Variants in GABRA5 observed in about 807,000 individuals in gnomAD.
The protein encoded by GABRA5 is gamma-aminobutyric acid type A receptor subunit alpha5.
Under a neutral mutation model 47.3 loss-of-function variants are expected in GABRA5, and 18 were observed. The observed-to-expected ratio is 0.38, with a 90% CI of 0.26 to 0.56. The LOEUF (loss-of-function observed/expected upper bound fraction) is 0.56, where lower values mean the gene tolerates loss of function less well. Among genes scored for constraint, GABRA5 ranks in the 20% least tolerant of loss-of-function variants. The probability of loss-of-function intolerance (pLI) is 0.71; values close to 1 mark genes in which losing one functional copy is unlikely to be tolerated. For missense variants in GABRA5, 365 were observed against 599.3 expected (o/e 0.61, Z 4.08); for synonymous variants, 237 against 229.3 (o/e 1.03, Z -0.30).
chr15:26,874,967 C>T (rs1464179404), intron 3 of GABRA5, among the ~76,000 whole-genome samples: 2 of 152,168 alleles, frequency 1.3e-5, no homozygotes, highest in Non-Finnish European at 2.9e-5. Context: ...GATCTCTGTC[C>T]ACATGCTCTC....
chr15:26,924,747 G>C (rs981095200), intron 7 of GABRA5, among the ~76,000 whole-genome samples: 1 of 152,160 alleles, frequency 6.6e-6, no homozygotes, highest in Non-Finnish European at 1.5e-5. Flanking sequence ...ACAGTGGCCA[G>C]TGTCTAAAAG....
chr15:26,906,159 T>C lies in GABRA5; in HGVS notation c.498-8644T>C, dbSNP rs144401480. 1.0e-2 allele frequency among the ~76,000 whole-genome samples: 1,520 copies of C among 152,228 alleles called. 34 individuals carry two copies. Among genetic ancestry groups the C allele is most frequent in the African/African-American group, 0.035 (1,459 of 41,532 alleles). On this transcript the variant is annotated intron_variant, in intron 6 of 10. Transcript: ENST00000335625. ...TGTTTGTTTATGCCTGTTGTGATTA[T>C]TGTTGTTTGCTTGTTTGGTGAGTTT...
At chr15:26,885,790 T>A (rs1375142311) in intron 6 of GABRA5, among the ~76,000 whole-genome samples, 2 of 152,070 alleles carry the variant, frequency 1.3e-5, no homozygotes, top group African/African-American at 4.8e-5. Context: ...ACAGCAGGTG[T>A]GGAGACAGAG....
At chr15:26,884,116 G>A (rs922993021) in intron 6 of GABRA5, among the ~76,000 whole-genome samples, 9 of 152,042 alleles carry the variant, frequency 5.9e-5, no homozygotes, top group Admixed American at 2.6e-4. Flanking sequence ...TTGAGACCAA[G>A]AGTTTGAGGT....
At chr15:26,939,375 C>T (rs1595435823) in intron 8 of GABRA5, 1 of 765,296 alleles carries the variant, frequency 1.3e-6, no homozygotes, top group South Asian at 1.3e-5. Context: ...CAGGCGACAC[C>T]TCTCTGGTAG....
At chr15:26,940,414 G>A (rs192839737) in intron 9 of GABRA5, among the ~76,000 whole-genome samples, 22 of 152,214 alleles carry the variant, frequency 1.4e-4, no homozygotes, top group Admixed American at 6.5e-5. Context: ...GCTTGGGACC[G>A]GAAGTGTTTC....
At chr15:26,915,232 A>G (rs548798231) in intron 7 of GABRA5, among the ~76,000 whole-genome samples, 7 of 152,290 alleles carry the variant, frequency 4.6e-5, no homozygotes, top group African/African-American at 1.7e-4. Context: ...AAAGGTGACC[A>G]GTGCCCAGTA....
chr15:26,928,615 C>A (rs376104900), intron 7 of GABRA5, among the ~76,000 whole-genome samples: 1 of 152,120 alleles, frequency 6.6e-6, no homozygotes, highest in Non-Finnish European at 1.5e-5. Flanking sequence ...AGAGAGCTCT[C>A]CCGTCCCTTC....
chr15:26,944,380 T>G (rs1894461957), intron 10 of GABRA5, among the ~76,000 whole-genome samples: 1 of 152,170 alleles, frequency 6.6e-6, no homozygotes, highest in Non-Finnish European at 1.5e-5. Context: ...TATTTCCAAG[T>G]GCCAGGAGCC....
intron 8 of GABRA5, among the ~76,000 whole-genome samples, chr15:26,938,279 A>G (rs897750798): frequency 6.6e-6 from 1 of 152,194 alleles, no homozygotes; most frequent in African/African-American, 2.4e-5. Flanking sequence ...TTTGGTTACC[A>G]TGCTAAAGGG....
intron 6 of GABRA5, among the ~76,000 whole-genome samples, chr15:26,905,272 G>T (rs1296363080): frequency 1.1e-5 from 1 of 90,164 alleles, no homozygotes; most frequent in South Asian, 3.4e-4. Context: ...TAGAATTCTT[G>T]GTTGACAAGT....
At chr15:26,891,051 C>T (rs1320828770) in intron 6 of GABRA5, among the ~76,000 whole-genome samples, 3 of 152,204 alleles carry the variant, frequency 2.0e-5, no homozygotes, top group African/African-American at 7.2e-5. Flanking sequence ...ACATTTCTTG[C>T]ATATTTGGTT....
intron 6 of GABRA5, among the ~76,000 whole-genome samples, chr15:26,884,436 G>A (rs1415802473): frequency 1.3e-5 from 2 of 152,078 alleles, no homozygotes; most frequent in Non-Finnish European, 2.9e-5. Flanking sequence ...AGTTTCCAAA[G>A]TGGGTCTATG....
At chr15:26,941,182 G>A (rs1260076621) in intron 9 of GABRA5, among the ~76,000 whole-genome samples, 2 of 152,162 alleles carry the variant, frequency 1.3e-5, no homozygotes, top group East Asian at 1.9e-4. Flanking sequence ...TTTCAGGAAG[G>A]TGTGGAGGTT....
chr15:26,914,789 C>A lies in GABRA5; in HGVS notation c.498-14C>A. ...GAGAGAGTCGTTCAAAGGTCTTCAT[C>A]TTTTATTTTTCAGCTTGACCATCTC... On this transcript the variant is annotated splice_polypyrimidine_tract_variant and intron_variant, in intron 6 of 10. Transcript: ENST00000335625. 6.2e-7 allele frequency: 1 copy of A among 1,606,172 alleles called. No individual in the cohort carries two copies.
chr15:26,934,763 G>A (rs1448048648), intron 7 of GABRA5, among the ~76,000 whole-genome samples: 5 of 152,132 alleles, frequency 3.3e-5, no homozygotes, highest in African/African-American at 1.2e-4. Context: ...TACTTCCTTT[G>A]TAGTTATTCA....
intron 7 of GABRA5, among the ~76,000 whole-genome samples, chr15:26,931,367 G>A (rs748722461): frequency 6.6e-6 from 1 of 152,114 alleles, no homozygotes; most frequent in African/African-American, 2.4e-5. Flanking sequence ...GTTCACAGAC[G>A]GCCATGTTCT....
intron 6 of GABRA5, among the ~76,000 whole-genome samples, chr15:26,907,071 G>C (rs147815917): frequency 6.6e-6 from 1 of 152,068 alleles, no homozygotes; most frequent in Non-Finnish European, 1.5e-5. Context: ...TCTGATGGTT[G>C]GTCTCATGTA....
At chr15:26,884,742 A>G (rs746080978) in intron 6 of GABRA5, among the ~76,000 whole-genome samples, 16 of 152,314 alleles carry the variant, frequency 1.1e-4, no homozygotes, top group Non-Finnish European at 1.9e-4. Flanking sequence ...AATTTTGTTC[A>G]GAGGTCTTAC....
Sources: allele counts gnomAD v4.1 joint callset (sites outside exome capture counted in the v4.1 genomes callset), GRCh38; gene constraint gnomAD v4.1.1; transcripts MANE v1.5; gene names NCBI Gene and HGNC (gene_info 2026-07-23, HGNC 2026-07-21).